NR6A1: variants seen among roughly 807,000 people sequenced by gnomAD.
NR6A1 encodes retinoic acid receptor-related testis-associated receptor.
In NR6A1, 7 loss-of-function variants were observed where a neutral mutation model predicts 59.1. The observed-to-expected ratio is 0.12, with a 90% CI of 0.07 to 0.22. The LOEUF is 0.22. NR6A1 is among the 10% of genes least tolerant of loss of function. The probability of loss-of-function intolerance (pLI) is 1.00; values close to 1 mark genes in which losing one functional copy is unlikely to be tolerated. For missense variants in NR6A1, 468 were observed against 611.6 expected, an observed-to-expected ratio of 0.77 and a Z score of 2.48; for synonymous variants, 243 against 236.1, an observed-to-expected ratio of 1.03 and a Z score of -0.27.
At chr9:124,739,000 TAAAA>T (rs397703492) in intron 1 of NR6A1, among the ~76,000 whole-genome samples, 3 of 137,702 alleles carry the variant, frequency 2.2e-5, no homozygotes, top group Non-Finnish European at 4.6e-5. Flanking sequence ...AGACTCCATC[TAAAA>T]AAAAAAAAAA....
intron 2 of NR6A1, among the ~76,000 whole-genome samples, chr9:124,680,629 T>C (rs1838121162): frequency 6.6e-6 from 1 of 152,114 alleles, no homozygotes; most frequent in Admixed American, 6.6e-5. Flanking sequence ...GCCAAAATAA[T>C]ACACGGTTTG....
intron 2 of NR6A1, among the ~76,000 whole-genome samples, chr9:124,658,925 G>A (rs1448305702): frequency 1.3e-5 from 2 of 152,066 alleles, no homozygotes; most frequent in African/African-American, 2.4e-5. Context: ...ATCCCATAAC[G>A]CAGCTGGAGA....
chr9:124,575,146 C>T (rs1443475089), intron 2 of NR6A1, among the ~76,000 whole-genome samples: 2 of 152,166 alleles, frequency 1.3e-5, no homozygotes, highest in African/African-American at 2.4e-5. Flanking sequence ...TCTGTACTCC[C>T]CACCTTCATA....
At chr9:124,738,400 C>T (rs914979083) in intron 1 of NR6A1, among the ~76,000 whole-genome samples, 2 of 151,986 alleles carry the variant, frequency 1.3e-5, no homozygotes, top group South Asian at 4.1e-4. Context: ...CTGAGAAATC[C>T]AGGGTCTTTG....
intron 2 of NR6A1, among the ~76,000 whole-genome samples, chr9:124,581,262 G>A (rs1378498969): frequency 6.6e-6 from 1 of 152,146 alleles, no homozygotes; most frequent in Non-Finnish European, 1.5e-5. Flanking sequence ...TGACAAATGG[G>A]ATTTAATTAA....
At chr9:124,646,079 A>G (rs1455597940) in intron 2 of NR6A1, among the ~76,000 whole-genome samples, 2 of 152,230 alleles carry the variant, frequency 1.3e-5, no homozygotes, top group African/African-American at 4.8e-5. Flanking sequence ...AAATAAAAAT[A>G]TAATTCATCA....
chr9:124,642,184 G>A (rs1304712064), intron 2 of NR6A1, among the ~76,000 whole-genome samples: 7 of 152,054 alleles, frequency 4.6e-5, no homozygotes, highest in Non-Finnish European at 8.8e-5. Context: ...CGGGTAGCTG[G>A]GATTACAAGC....
intron 2 of NR6A1, among the ~76,000 whole-genome samples, chr9:124,585,558 A>AGGGGGGG (rs1159676111): frequency 3.6e-5 from 1 of 27,620 alleles, no homozygotes; most frequent in Non-Finnish European, 6.2e-5. Context: ...AAAAAAAAAA[A>AGGGGGGG]GGGGGGGGGG....
chr9:124,639,181 CT>C (rs1249677366), intron 2 of NR6A1, among the ~76,000 whole-genome samples: 3 of 152,160 alleles, frequency 2.0e-5, no homozygotes, highest in African/African-American at 7.2e-5. Context: ...GATAGGTAAT[CT>C]GCTTAAGTTA....
At chr9:124,589,134 A>T (rs1835027791) in intron 2 of NR6A1, among the ~76,000 whole-genome samples, 2 of 152,050 alleles carry the variant, frequency 1.3e-5, no homozygotes, top group Admixed American at 1.3e-4. Flanking sequence ...GCAATTAACA[A>T]CTACCTCATG....
intron 2 of NR6A1, among the ~76,000 whole-genome samples, chr9:124,728,578 T>C (rs1839793182): frequency 6.6e-6 from 1 of 151,888 alleles, no homozygotes; most frequent in African/African-American, 2.4e-5. Flanking sequence ...GAGTTTGCAG[T>C]GAGCCGAGAT....
intron 2 of NR6A1, among the ~76,000 whole-genome samples, chr9:124,662,069 A>T (rs1018437258): frequency 7.2e-6 from 1 of 139,216 alleles, no homozygotes; most frequent in South Asian, 2.2e-4. Context: ...AAATACCTTT[A>T]AAAAAAAAAA....
chr9:124,663,516 T>C lies in NR6A1; in HGVS notation c.142+69792A>G, dbSNP rs558130907. Among the ~76,000 whole-genome samples the C allele has an allele frequency of 1.6e-4, 24 of 152,154 alleles. No individual in the cohort carries two copies. The South Asian group carries it at 5.0e-3, about 32-fold the overall frequency. Reference sequence around the variant, plus strand: ...TTCATTCATAAAATACAAATATCAATCCCTTCCTGCCAGGCTGTTTTCAGA... The same window carrying C: ...TTCATTCATAAAATACAAATATCAACCCCTTCCTGCCAGGCTGTTTTCAGA... On this transcript the variant is annotated intron_variant, in intron 2 of 9. Coordinates refer to ENST00000487099, the MANE Select transcript of NR6A1 (RefSeq NM_033334.4).
At chr9:124,760,902 T>C (rs1840769680) in intron 1 of NR6A1, among the ~76,000 whole-genome samples, 1 of 152,224 alleles carries the variant, frequency 6.6e-6, no homozygotes, top group African/African-American at 2.4e-5. Flanking sequence ...TGGATGGGAC[T>C]ACTATTGCCA....
chr9:124,667,154 C>T (rs1837649925), intron 2 of NR6A1, among the ~76,000 whole-genome samples: 1 of 151,676 alleles, frequency 6.6e-6, no homozygotes, highest in African/African-American at 2.4e-5. Context: ...TTTGCCTCAG[C>T]CTCCTGAGTA....
chr9:124,629,097 T>A (rs1245680782), intron 2 of NR6A1, among the ~76,000 whole-genome samples: 2 of 152,180 alleles, frequency 1.3e-5, no homozygotes, highest in South Asian at 2.1e-4. Context: ...GATGGCTTTT[T>A]AGGATTCATC....
intron 2 of NR6A1, among the ~76,000 whole-genome samples, chr9:124,686,049 C>T (rs1438453688): frequency 6.6e-6 from 1 of 152,150 alleles, no homozygotes; most frequent in East Asian, 1.9e-4. Context: ...TTATGAATAA[C>T]TCAAAATAGT....
At chr9:124,642,330 G>A (rs186148436) in intron 2 of NR6A1, among the ~76,000 whole-genome samples, 16 of 152,312 alleles carry the variant, frequency 1.1e-4, no homozygotes, top group African/African-American at 2.9e-4. Flanking sequence ...GATTACAGGC[G>A]TGAGGCACTG....
intron 2 of NR6A1, among the ~76,000 whole-genome samples, chr9:124,654,985 C>T (rs1414311952): frequency 1.3e-5 from 2 of 150,562 alleles, no homozygotes; most frequent in East Asian, 3.9e-4. Context: ...TAGAATTTAA[C>T]TGCACTTTCA....
Sources: allele counts gnomAD v4.1 joint callset (sites outside exome capture counted in the v4.1 genomes callset), GRCh38; gene constraint gnomAD v4.1.1; transcripts MANE v1.5; gene names NCBI Gene and HGNC (gene_info 2026-07-23, HGNC 2026-07-21).